Variants in PTPRN2 observed in about 807,000 individuals in gnomAD.
PTPRN2 encodes receptor-type tyrosine-protein phosphatase N2.
Under a neutral mutation model 118.8 loss-of-function variants are expected in PTPRN2, and 74 were observed. The observed-to-expected ratio is 0.62, with a 90% CI of 0.52 to 0.76. The LOEUF is 0.76. PTPRN2 is among the 30% of genes least tolerant of loss of function. The probability of loss-of-function intolerance (pLI) is 0.00; values close to 1 mark genes in which losing one functional copy is unlikely to be tolerated. For synonymous variants in PTPRN2, 641 were observed against 608.0 expected, an observed-to-expected ratio of 1.05 and a Z score of -0.80; for missense variants, 1,481 against 1,394.4, an observed-to-expected ratio of 1.06 and a Z score of -0.99.
intron 12 of PTPRN2, among the ~76,000 whole-genome samples, chr7:157,895,509 A>T (rs1416662304): frequency 6.6e-6 from 1 of 152,268 alleles, no homozygotes; most frequent in Non-Finnish European, 1.5e-5. Flanking sequence ...CACATAATCA[A>T]AGTAGAAGGC....
At chr7:158,058,678 A>G (rs369454986) in intron 11 of PTPRN2, among the ~76,000 whole-genome samples, 1,275 of 72,714 alleles carry the variant, frequency 0.018, 38 homozygotes, top group Middle Eastern at 0.032. Flanking sequence ...CTGCAGCCAC[A>G]CTCCATCTGC....
At position 158,337,483 on chromosome 7, in the gene PTPRN2, G is replaced by A. The variant is rs77735802; in HGVS notation, c.164-20551C>T. Among the ~76,000 whole-genome samples, 5 of 101,820 alleles carry A rather than the reference G, an allele frequency of 4.9e-5. No homozygotes were observed. In the East Asian group the frequency reaches 1.4e-3, roughly 29 times the overall value. The allele number at this position is 101,820 out of a possible 152,430, so 66.8% of individuals were successfully genotyped here. On this transcript the variant is annotated intron_variant, in intron 2 of 22. Transcript: ENST00000389418. The stretch of plus-strand genomic sequence containing the variant: ...AACCCACACTCTCACCATAAGAGGT[G>A]ACACCTGCAGACGTCACTCGCACCC...
chr7:157,892,797 C>T (rs1796879432), intron 12 of PTPRN2, among the ~76,000 whole-genome samples: 1 of 152,166 alleles, frequency 6.6e-6, no homozygotes, highest in Admixed American at 6.5e-5. Flanking sequence ...ATATATAAAC[C>T]TCCCGAAACT....
chr7:158,348,183 A>G (rs905896768), intron 2 of PTPRN2, among the ~76,000 whole-genome samples: 9 of 152,086 alleles, frequency 5.9e-5, no homozygotes, highest in African/African-American at 2.2e-4. Context: ...AGCCATCCCA[A>G]CACCACACAA....
At chr7:158,037,460 A>G (rs542558026) in intron 11 of PTPRN2, among the ~76,000 whole-genome samples, 1 of 152,364 alleles carries the variant, frequency 6.6e-6, no homozygotes, top group African/African-American at 2.4e-5. Context: ...GCTGTAGGCA[A>G]TTGTAACCAA....
At chr7:158,195,861 A>G (rs1826171802) in intron 4 of PTPRN2, among the ~76,000 whole-genome samples, 3 of 152,090 alleles carry the variant, frequency 2.0e-5, no homozygotes, top group South Asian at 4.1e-4. Flanking sequence ...CACATTGTGA[A>G]TTTTACCTTA....
At chr7:158,100,875 G>A (rs1159973472) in intron 10 of PTPRN2, among the ~76,000 whole-genome samples, 1 of 152,150 alleles carries the variant, frequency 6.6e-6, no homozygotes, top group East Asian at 1.9e-4. Context: ...AATCACAGAT[G>A]ACGCAAACAA....
intron 1 of PTPRN2, among the ~76,000 whole-genome samples, chr7:158,545,015 C>G (rs921485687): frequency 6.6e-6 from 1 of 152,224 alleles, no homozygotes; most frequent in Non-Finnish European, 1.5e-5. Context: ...CAGGCCCCCT[C>G]TGGAAGCTCC....
chr7:157,901,442 A>G lies in PTPRN2; in HGVS notation c.1724-2705T>C, dbSNP rs182191736. Among the ~76,000 whole-genome samples, 369 of 152,330 alleles carry G rather than the reference A, an allele frequency of 2.4e-3. 1 individual carries two copies. Among genetic ancestry groups the G allele is most frequent in the Non-Finnish European group, 1.2e-3 (84 of 68,032 alleles). On this transcript the variant is annotated intron_variant, in intron 11 of 22. Transcript: ENST00000389418. ...GTGCGGGGAAGAGTTCCCACCATGCAGACGTGGAGGACAGAAATAATCTCA... is the reference window on the plus strand; with the variant it reads ...GTGCGGGGAAGAGTTCCCACCATGCGGACGTGGAGGACAGAAATAATCTCA...
At chr7:157,997,538 GGGAAGGACCA>G in intron 11 of PTPRN2, among the ~76,000 whole-genome samples, 1 of 152,320 alleles carries the variant, frequency 6.6e-6, no homozygotes, top group East Asian at 1.9e-4. Context: ...TCACTCAAGA[GGGAAGGACCA>G]GGGAGGAGAA....
At chr7:158,246,724 G>A (rs1796275174) in intron 3 of PTPRN2, among the ~76,000 whole-genome samples, 1 of 151,988 alleles carries the variant, frequency 6.6e-6, no homozygotes, top group Admixed American at 6.6e-5. Context: ...CCAATGTGTG[G>A]GAGGGCTCTG....
chr7:158,269,653 C>T (rs891225705), intron 3 of PTPRN2, among the ~76,000 whole-genome samples: 24 of 152,174 alleles, frequency 1.6e-4, no homozygotes, highest in African/African-American at 3.9e-4. Flanking sequence ...TGGCACAGGA[C>T]GGGAGCCTGC....
In PTPRN2 at chr7:157,560,554, C is replaced by T. The variant is rs1799135571; in HGVS notation, c.2902+8348G>A. Among the ~76,000 whole-genome samples, 1 of 152,202 alleles carries T rather than the reference C, an allele frequency of 6.6e-6. No homozygotes were observed. Among genetic ancestry groups the T allele is most frequent in the African/African-American group, 2.4e-5 (1 of 41,460 alleles). On this transcript the variant is annotated intron_variant, in intron 21 of 22. Coordinates refer to ENST00000389418, the MANE Select transcript of PTPRN2 (RefSeq NM_002847.5). The surrounding 1 kb of genome is among the most constrained non-coding windows in gnomAD (Gnocchi z 6.7). Reference sequence around the variant, plus strand: ...GACCGGCCCGGGAACCTGGGGACACCTCACGCCCCACATCCCTCACTGTTT... The same window carrying T: ...GACCGGCCCGGGAACCTGGGGACACTTCACGCCCCACATCCCTCACTGTTT...
At chr7:158,557,849 C>T (rs556337300) in intron 1 of PTPRN2, among the ~76,000 whole-genome samples, 2 of 152,248 alleles carry the variant, frequency 1.3e-5, no homozygotes, top group African/African-American at 4.8e-5. Flanking sequence ...CCGTGGTCCA[C>T]TCTCCTAGTG....
In PTPRN2 at chr7:158,169,417, AGTGTGT is replaced by A. The variant is rs375257745; in HGVS notation, c.550-2132_550-2127del. On this transcript the variant is annotated intron_variant, in intron 5 of 22. Transcript: ENST00000389418. The stretch of plus-strand genomic sequence containing the variant: ...ACCACCATACCTGGCTGCTTTTGTG[AGTGTGT>A]GTGTGTGTGTGTGTGTGTGTGTGTG... Among the ~76,000 whole-genome samples, 559 of 136,610 alleles carry A rather than the reference AGTGTGT, an allele frequency of 4.1e-3. 1 individual carries two copies. The highest frequency in any genetic ancestry group is 0.011 in the South Asian group (44 of 4,012). The allele number at this position is 136,610 out of a possible 152,430, so 89.6% of individuals were successfully genotyped here. A position where few individuals can be genotyped will look rare whatever the true frequency, so the allele number is the denominator to read the frequency against.
In PTPRN2 at chr7:158,536,575, G is replaced by A. The variant is rs182884746; in HGVS notation, c.113-46790C>T. On this transcript the variant is annotated intron_variant, in intron 1 of 22. Coordinates refer to ENST00000389418, the MANE Select transcript of PTPRN2 (RefSeq NM_002847.5). ...CCTCCCAGCCCACCATCACCGAGAC[G>A]GGACTCAGGAAAACACAAGGGCCTT... Among the ~76,000 whole-genome samples, 543 of 146,434 alleles carry A rather than the reference G, an allele frequency of 3.7e-3. 3 individuals are homozygous for A. Among genetic ancestry groups the A allele is most frequent in the African/African-American group, 0.013 (507 of 39,170 alleles).
intron 14 of PTPRN2, among the ~76,000 whole-genome samples, chr7:157,643,537 G>A (rs569089440): frequency 2.0e-5 from 3 of 152,314 alleles, no homozygotes; most frequent in South Asian, 4.1e-4. Flanking sequence ...CGTGATGGCC[G>A]CTGACCAAGG....
intron 1 of PTPRN2, among the ~76,000 whole-genome samples, chr7:158,587,293 CCT>C (rs1245459586): frequency 1.4e-5 from 1 of 70,360 alleles, no homozygotes; most frequent in Non-Finnish European, 2.9e-5. Context: ...TCCCCCAGAA[CCT>C]CTCAGAGGCG....
chr7:157,896,015 T>A (rs1025445079), intron 12 of PTPRN2, among the ~76,000 whole-genome samples: 1 of 151,784 alleles, frequency 6.6e-6, no homozygotes, highest in African/African-American at 2.4e-5. Context: ...GCACCAAGTA[T>A]AGCACAAAAC....
Sources: allele counts gnomAD v4.1 joint callset (sites outside exome capture counted in the v4.1 genomes callset), GRCh38; gene constraint gnomAD v4.1.1; non-coding constraint Gnocchi (gnomAD v3.1); transcripts MANE v1.5; gene names NCBI Gene and HGNC (gene_info 2026-07-23, HGNC 2026-07-21).